CD46: variants seen among roughly 807,000 people sequenced by gnomAD.
CD46 encodes membrane cofactor protein.
Under a neutral mutation model 53.3 loss-of-function variants are expected in CD46, and 30 were observed. The ratio of observed to expected loss-of-function variants is 0.56; its 90% confidence interval spans 0.42 to 0.76. The LOEUF (loss-of-function observed/expected upper bound fraction) is 0.76, where lower values mean the gene tolerates loss of function less well. Among genes scored for constraint, CD46 ranks in the 30% least tolerant of loss-of-function variants. CD46 has a pLI of 0.00. For missense variants in CD46, 409 were observed against 463.0 expected (o/e 0.88, Z 1.07); for synonymous variants, 142 against 152.0 (o/e 0.93, Z 0.48).
chr1:207,785,744 C>T, intron 11 of CD46, 62 bp downstream of exon 11: 1 of 1,069,608 alleles, frequency 9.3e-7, no homozygotes, highest in Non-Finnish European at 1.5e-6. Context: ...TGCTTTTGTG[C>T]AGCTTCAGTT....
intron 9 of CD46, among the ~76,000 whole-genome samples, chr1:207,784,785 A>G (rs1659115558): frequency 6.6e-6 from 1 of 152,190 alleles, no homozygotes; most frequent in Admixed American, 6.5e-5. Context: ...TGATGGCAGG[A>G]AGGAGAAGTA....
intron 4 of CD46, chr1:207,759,955 C>A: frequency 2.6e-6 from 1 of 380,004 alleles, no homozygotes; most frequent in Non-Finnish European, 4.6e-6. Flanking sequence ...GGCTATTTCC[C>A]AGGCTGGGGT....
intron 12 of CD46, among the ~76,000 whole-genome samples, chr1:207,791,942 TAAAG>T (rs1262189386): frequency 6.6e-6 from 1 of 152,206 alleles, no homozygotes; most frequent in African/African-American, 2.4e-5. Flanking sequence ...AAACTTTATT[TAAAG>T]AAAGAGATTC....
chr1:207,773,177 T>C (rs1467441195), intron 8 of CD46, among the ~76,000 whole-genome samples: 1 of 152,230 alleles, frequency 6.6e-6, no homozygotes, highest in African/African-American at 2.4e-5. Context: ...TTTTCTAGCT[T>C]ATTTGTGTAG....
In CD46 at chr1:207,761,393, C is replaced by T. The variant is rs546619508; in HGVS notation, c.620C>T (p.Thr207Met). 23 of 1,614,016 alleles carry T rather than the reference C, an allele frequency of 1.4e-5. No homozygotes were observed. The highest frequency in any genetic ancestry group is 1.6e-4 in the Middle Eastern group (1 of 6,062). Residue 207 changes from threonine to methionine, a missense_variant, in exon 5 of 13, where the codon ACG becomes ATG. Physicochemically the swap from Thr to Met is moderately conservative, Grantham distance 81 (BLOSUM62 -1). Coordinates refer to ENST00000367042, the MANE Select transcript of CD46 (RefSeq NM_172351.3). ...PDPFSLIGESTIYCGDNSVWS... is the reference protein window; with the variant it reads ...PDPFSLIGESMIYCGDNSVWS... ...CCATTTTCACTTATTGGAGAGAGCA[C>T]GATTTATTGTGGTGACAATTCAGTG...
In CD46 at chr1:207,770,713, C is replaced by G. The variant is rs973241888; in HGVS notation, c.943+351C>G. On this transcript the variant is annotated intron_variant, in intron 8 of 12. Coordinates refer to ENST00000367042, the MANE Select transcript of CD46 (RefSeq NM_172351.3). ...TGATGGTTTCCAGCTTCATCCATGT[C>G]CCTGCAAAGGACATGAACTCATCCT... Among the ~76,000 whole-genome samples the G allele has an allele frequency of 3.3e-5, 5 of 152,170 alleles. No homozygotes were observed. The South Asian group carries it at 1.0e-3, about 31-fold the overall frequency.
At chr1:207,762,348 A>G (rs1318027801) in intron 5 of CD46, among the ~76,000 whole-genome samples, 1 of 152,224 alleles carries the variant, frequency 6.6e-6, no homozygotes, top group Non-Finnish European at 1.5e-5. Context: ...CTAATTTTCC[A>G]CCTTAAGAAA....
chr1:207,767,685 T>A (rs749834733), intron 6 of CD46, 94 bp from the exon 7 acceptor site: 9 of 1,601,704 alleles, frequency 5.6e-6, no homozygotes, highest in Middle Eastern at 1.7e-4. Context: ...GTCTTCTTCC[T>A]TATATGTTAC....
At position 207,752,090 on chromosome 1, in the gene CD46, GA is replaced by G; in HGVS notation, c.-122del. 1.0e-6 allele frequency: 1 copy of G among 968,950 alleles called. No homozygotes were observed. The highest frequency in any genetic ancestry group is 2.4e-5 in the East Asian group (1 of 42,044). 60.0% of individuals were successfully genotyped at this position (968,950 alleles called of 1,614,324 possible). The stretch of plus-strand genomic sequence containing the variant: ...CACGCCCACCTGTCCTGCAGCACTG[GA>G]TGCTTTGTGAGTTGGGGATTGTTGC... On this transcript the variant is annotated 5_prime_UTR_variant, in exon 1 of 13. An upstream start codon of the reference 5' UTR is lost. Transcript: ENST00000367042. This position sits in a 1 kb window ranked among gnomAD's most constrained non-coding sequence, Gnocchi z 4.1.
intron 8 of CD46, among the ~76,000 whole-genome samples, chr1:207,780,552 CTTT>C (rs1658634200): frequency 6.6e-6 from 1 of 152,016 alleles, no homozygotes; most frequent in African/African-American, 2.4e-5. Context: ...GTATTCAGTT[CTTT>C]TAGGTATATA....
chr1:207,774,987 T>G (rs1266683601), intron 8 of CD46, among the ~76,000 whole-genome samples: 2 of 152,238 alleles, frequency 1.3e-5, no homozygotes, highest in Non-Finnish European at 2.9e-5. Context: ...GTTTTCTAAC[T>G]TGATTCCATT....
At chr1:207,764,451 T>G (rs2102581607) in intron 5 of CD46, among the ~76,000 whole-genome samples, 3 of 152,326 alleles carry the variant, frequency 2.0e-5, no homozygotes, top group Admixed American at 2.0e-4. Flanking sequence ...CACCTTTCAC[T>G]TTCCTTCCTC....
intron 7 of CD46, chr1:207,768,586 A>G (rs923970987): frequency 6.6e-6 from 1 of 152,214 alleles, no homozygotes; most frequent in Non-Finnish European, 1.5e-5. Context: ...TTTTATAGCA[A>G]CTGAAAGGCA....
chr1:207,783,104 G>T (rs1216734414), intron 8 of CD46, among the ~76,000 whole-genome samples, 188 bp from the exon 9 acceptor site: 1 of 151,946 alleles, frequency 6.6e-6, no homozygotes, highest in African/African-American at 2.4e-5. Flanking sequence ...GACATTAAAT[G>T]TAAGTTTATA....
intron 1 of CD46, among the ~76,000 whole-genome samples, chr1:207,754,959 A>G (rs1221982789): frequency 1.3e-5 from 2 of 151,764 alleles, no homozygotes; most frequent in Non-Finnish European, 2.9e-5. Context: ...CATGTAAAAA[A>G]AAAAAAAAAA....
At chr1:207,755,787 C>T (rs1439347760) in intron 1 of CD46, among the ~76,000 whole-genome samples, 1 of 152,144 alleles carries the variant, frequency 6.6e-6, no homozygotes, top group African/African-American at 2.4e-5. Context: ...CAAGAAATGG[C>T]CTAATCTTCT....
intron 8 of CD46, among the ~76,000 whole-genome samples, chr1:207,773,610 G>A (rs769902554): frequency 3.9e-5 from 6 of 152,130 alleles, no homozygotes; most frequent in Non-Finnish European, 5.9e-5. Context: ...GTTCTCGTTG[G>A]TTTTAAAGAA....
chr1:207,752,174 C>A lies in CD46; in HGVS notation c.-39C>A. 4 of 1,593,062 alleles carry A rather than the reference C, an allele frequency of 2.5e-6. No homozygotes were observed. Among genetic ancestry groups the A allele is most frequent in the Non-Finnish European group, 3.4e-6 (4 of 1,163,802 alleles). On this transcript the variant is annotated 5_prime_UTR_variant, in exon 1 of 13. It introduces an in-frame stop codon into an upstream open reading frame of the 5' UTR. Coordinates refer to ENST00000367042, the MANE Select transcript of CD46 (RefSeq NM_172351.3). This position sits in a 1 kb window ranked among gnomAD's most constrained non-coding sequence, Gnocchi z 4.1. The stretch of plus-strand genomic sequence containing the variant: ...GCTCGGCTGGCTCTCGGTTTCTCTG[C>A]TTTCCTCCGGAGAAATAACAGCGTC...
rs77807308 is a variant in CD46, at chr1:207,792,964, G to A, written c.*42-555G>A. Among the ~76,000 whole-genome samples the A allele has an allele frequency of 1.8e-3, 280 of 152,272 alleles. 1 individual carries two copies. The highest frequency in any genetic ancestry group is 3.1e-3 in the South Asian group (15 of 4,830). ...CTGGAAAATTTTAAATTACATGTAT[G>A]ACTGGCATCATCTGTCTTTGGCCAG... On this transcript the variant is annotated intron_variant, in intron 12 of 12. Transcript: ENST00000367042.
Sources: gnomAD v4.1 joint callset for allele counts (sites outside exome capture counted in the v4.1 genomes callset) on GRCh38, gnomAD v4.1.1 for gene constraint, Gnocchi (gnomAD v3.1) non-coding constraint, MANE v1.5 for transcripts, NCBI Gene and HGNC (gene_info 2026-07-23, HGNC 2026-07-21) for gene names.